HYAL4: variants seen among roughly 807,000 people sequenced by gnomAD.
HYAL4 encodes hyaluronidase-4.
In HYAL4, 37 loss-of-function variants were observed where a neutral mutation model predicts 35.2. That is an observed-to-expected ratio of 1.05 (90% CI 0.81 to 1.38). The LOEUF is 1.38. Among genes scored for constraint, HYAL4 ranks in the 40% most tolerant of loss-of-function variants. The pLI is 0.00. For missense variants in HYAL4, 572 were observed against 572.4 expected (o/e 1.00, Z 0.01); for synonymous variants, 198 against 203.2 (o/e 0.97, Z 0.22).
intron 3 of HYAL4, among the ~76,000 whole-genome samples, chr7:123,869,803 T>C (rs975663192): frequency 1.3e-5 from 2 of 151,646 alleles, no homozygotes; most frequent in Non-Finnish European, 2.9e-5. Context: ...TTCTCCTGCC[T>C]CAGCCTCCCA....
the HYAL4 span, among the ~76,000 whole-genome samples, chr7:123,803,266 T>G: frequency 3.9e-5 from 6 of 152,106 alleles, no homozygotes; most frequent in Non-Finnish European, 8.8e-5. Context: ...TAAAATAAAT[T>G]TTTTAAAAAT....
At chr7:123,789,310 TTCAGCTTAGAAGGG>T in the HYAL4 span, among the ~76,000 whole-genome samples, 1 of 152,182 alleles carries the variant, frequency 6.6e-6, no homozygotes, top group Non-Finnish European at 1.5e-5. Context: ...AATTGAGCAT[TTCAGCTTAGAAGGG>T]TCAGCTTAGA....
intron 2 of HYAL4, among the ~76,000 whole-genome samples, chr7:123,855,373 A>G (rs1390693379): frequency 6.6e-6 from 1 of 151,606 alleles, no homozygotes; most frequent in Non-Finnish European, 1.5e-5. Context: ...TGCTTCCTTC[A>G]GGAGCTCTTG....
At chr7:123,793,367 G>A in the HYAL4 span, among the ~76,000 whole-genome samples, 1 of 152,170 alleles carries the variant, frequency 6.6e-6, no homozygotes, top group Non-Finnish European at 1.5e-5. Flanking sequence ...GATAAAATCT[G>A]AGACCCAAAG....
At chr7:123,825,007 G>T (rs1416590979), upstream of HYAL4, among the ~76,000 whole-genome samples, 1 of 152,070 alleles carries the variant, frequency 6.6e-6, no homozygotes, top group Non-Finnish European at 1.5e-5. Flanking sequence ...CTTCTGCCCT[G>T]ATAATTTCTA....
rs1438955682 is a variant in HYAL4, at chr7:123,877,115, G to A, written c.1406G>A (p.Cys469Tyr). 4 of 1,614,146 alleles carry A rather than the reference G, an allele frequency of 2.5e-6. No homozygotes were observed. The East Asian group carries it at 6.7e-5, about 27-fold the overall frequency. Residue 469 changes from cysteine (C) to tyrosine (Y), a missense_variant, in exon 5 of 5, where the codon TGT becomes TAT. Transcript: ENST00000223026. ...TCTCCTGGTTCACTAATGACACTTT[G>A]TCTACTGCTTTTAGCAAGTTATCGA... ...SPSPGSLMTL[C>Y]LLLLASYRSI...
intron 2 of HYAL4, 112 bp from the exon 3 acceptor site, chr7:123,868,111 G>A (rs1006202639): frequency 2.5e-6 from 1 of 407,556 alleles, no homozygotes; most frequent in African/African-American, 2.1e-5. Context: ...GCCTCTTTGA[G>A]ACCTTTAAGT....
chr7:123,875,859 T>A (rs1807008347), intron 4 of HYAL4, among the ~76,000 whole-genome samples: 1 of 152,138 alleles, frequency 6.6e-6, no homozygotes, highest in South Asian at 2.1e-4. Flanking sequence ...CTTGACACTT[T>A]TTGCTAAATT....
chr7:123,789,192 G>T, the HYAL4 span, among the ~76,000 whole-genome samples: 4 of 152,180 alleles, frequency 2.6e-5, no homozygotes, highest in Non-Finnish European at 1.5e-5. Flanking sequence ...TATTTCTAGA[G>T]GTGGAAACAA....
Position 123,877,067 on chromosome 7 carries a change from A to T in HYAL4, c.1358A>T (p.Asp453Val). Residue 453 changes from aspartate (D) to valine (V), a missense_variant, in exon 5 of 5, where the codon GAT becomes GTT. Physicochemically the swap from Asp to Val is radical, Grantham distance 152. Transcript: ENST00000223026. ...GATTGCAGAGAAATAAAGACGGCTG[A>T]TGGCTGCTCTGGGGTTTCCCCTTCT... ...GADCREIKTA[D>V]GCSGVSPSPG... is the part of the protein sequence containing the mutation. 1 of 1,614,202 alleles carries T rather than the reference A, an allele frequency of 6.2e-7. No individual in the cohort carries two copies. The highest frequency in any genetic ancestry group is 8.5e-7 in the Non-Finnish European group (1 of 1,180,024).
At chr7:123,829,292 G>T (rs1177742255) in intron 1 of HYAL4, 1 of 152,092 alleles carries the variant, frequency 6.6e-6, no homozygotes, top group Non-Finnish European at 1.5e-5. Flanking sequence ...GATGAATAAG[G>T]CTCCTACTAT....
chr7:123,797,811 C>T, the HYAL4 span, among the ~76,000 whole-genome samples: 1 of 152,208 alleles, frequency 6.6e-6, no homozygotes, highest in Non-Finnish European at 1.5e-5. Context: ...TCAAAAATGG[C>T]AATTTGCAAA....
chr7:123,777,900 A>T, the HYAL4 span, among the ~76,000 whole-genome samples: 1 of 151,008 alleles, frequency 6.6e-6, no homozygotes, highest in African/African-American at 2.4e-5. Context: ...GAAAGAAATC[A>T]GGGCAAAATT....
At chr7:123,846,645 C>T (rs868471666) in intron 1 of HYAL4, among the ~76,000 whole-genome samples, 3 of 152,254 alleles carry the variant, frequency 2.0e-5, no homozygotes, top group African/African-American at 7.2e-5. Flanking sequence ...CACACCCTCC[C>T]CTGAGGTCTG....
chr7:123,848,762 A>G (rs1027957653), intron 2 of HYAL4, among the ~76,000 whole-genome samples: 13 of 152,212 alleles, frequency 8.5e-5, no homozygotes, highest in Non-Finnish European at 1.9e-4. Context: ...AGTTATACTT[A>G]CCATGATGGT....
chr7:123,857,689 C>CTTTG (rs61451950), intron 2 of HYAL4, among the ~76,000 whole-genome samples: 1 of 124,368 alleles, frequency 8.0e-6, no homozygotes, highest in Non-Finnish European at 1.7e-5. Context: ...TTCTTTCTTT[C>CTTTG]TTTCTTTCTT....
the HYAL4 span, among the ~76,000 whole-genome samples, chr7:123,769,980 AG>A: frequency 6.6e-6 from 1 of 152,138 alleles, no homozygotes; most frequent in East Asian, 1.9e-4. Flanking sequence ...CGCCAAGTAA[AG>A]TTTTTTTTTT....
chr7:123,801,171 C>T, the HYAL4 span, among the ~76,000 whole-genome samples: 2 of 152,042 alleles, frequency 1.3e-5, no homozygotes, highest in Admixed American at 6.6e-5. Context: ...AAAGAATCAG[C>T]CAATGAGAAT....
At chr7:123,874,699 C>T (rs548431911) in intron 3 of HYAL4, 62 bp from the exon 4 acceptor site, 19 of 1,038,882 alleles carry the variant, frequency 1.8e-5, no homozygotes, top group South Asian at 3.9e-5. Context: ...GCCACCGCGC[C>T]CAGCCCCTGG....
Sources: allele counts gnomAD v4.1 joint callset (sites outside exome capture counted in the v4.1 genomes callset), GRCh38; gene constraint gnomAD v4.1.1; transcripts MANE v1.5; gene names NCBI Gene and HGNC (gene_info 2026-07-23, HGNC 2026-07-21).